Variants in MINDY4 observed in about 807,000 individuals in gnomAD.
MINDY4 encodes MINDY lysine 48 deubiquitinase 4.
A neutral mutation model predicts 87.0 loss-of-function variants in MINDY4; 68 were observed. The ratio of observed to expected loss-of-function variants is 0.78; its 90% confidence interval spans 0.64 to 0.96. The LOEUF is 0.96. Ranked by LOEUF, MINDY4 falls within the 40% of genes least tolerant of loss-of-function variation. MINDY4 has a pLI of 0.00. For synonymous variants in MINDY4, 379 were observed against 363.2 expected (o/e 1.04, Z -0.50); for missense variants, 919 against 928.2 (o/e 0.99, Z 0.13).
chr7:30,887,642 C>A (rs565416958), intron 17 of MINDY4, among the ~76,000 whole-genome samples: 1 of 152,214 alleles, frequency 6.6e-6, no homozygotes, highest in African/African-American at 2.4e-5. Flanking sequence ...CCTAAGCAGG[C>A]GTCCAGGAGG....
intron 9 of MINDY4, among the ~76,000 whole-genome samples, chr7:30,844,451 ACT>A (rs1202976702): frequency 1.5e-5 from 2 of 129,650 alleles, no homozygotes; most frequent in Non-Finnish European, 3.3e-5. Flanking sequence ...GTCTCCTCCC[ACT>A]CTCCTGCACT....
chr7:30,784,378 C>T (rs1463917279), intron 3 of MINDY4, among the ~76,000 whole-genome samples: 1 of 152,166 alleles, frequency 6.6e-6, no homozygotes, highest in Non-Finnish European at 1.5e-5. Context: ...TTCTTTCCTC[C>T]TTTCTCTGCC....
chr7:30,819,970 C>T (rs370262463), intron 5 of MINDY4, among the ~76,000 whole-genome samples: 2 of 132,972 alleles, frequency 1.5e-5, no homozygotes, highest in East Asian at 2.2e-4. Context: ...GGCGGGATCT[C>T]GGCTCACTGC....
chr7:30,835,901 C>G (rs1049607739), intron 6 of MINDY4, among the ~76,000 whole-genome samples: 3 of 152,176 alleles, frequency 2.0e-5, no homozygotes, highest in Non-Finnish European at 4.4e-5. Context: ...CAGCTGGGAC[C>G]CTCTCTAGGC....
chr7:30,875,403 C>A, intron 14 of MINDY4, 92 bp from the exon 15 acceptor site: 1 of 1,400,470 alleles, frequency 7.1e-7, no homozygotes, highest in Non-Finnish European at 1.0e-6. Context: ...TTCCTTCCTT[C>A]TCCACCCTTT....
At chr7:30,813,387 C>T (rs79714917) in intron 5 of MINDY4, among the ~76,000 whole-genome samples, 6,860 of 152,242 alleles carry the variant, frequency 0.045, 244 homozygotes, top group East Asian at 0.17. Flanking sequence ...CTTGTGCTCC[C>T]GTGCTGTGGG....
chr7:30,867,520 T>C (rs1789975902), intron 13 of MINDY4, among the ~76,000 whole-genome samples: 1 of 152,152 alleles, frequency 6.6e-6, no homozygotes, highest in African/African-American at 2.4e-5. Flanking sequence ...ATGGGGAGAC[T>C]GAGGCTCAGA....
At chr7:30,874,089 T>G (rs1790190275) in intron 14 of MINDY4, among the ~76,000 whole-genome samples, 1 of 152,244 alleles carries the variant, frequency 6.6e-6, no homozygotes, top group African/African-American at 2.4e-5. Context: ...CTCCAGAGTT[T>G]ACACTGGTCA....
intron 6 of MINDY4, among the ~76,000 whole-genome samples, chr7:30,830,929 G>A (rs1336366062): frequency 1.3e-5 from 2 of 152,188 alleles, no homozygotes; most frequent in African/African-American, 4.8e-5. Context: ...TGTGAGATGA[G>A]GCTGAAATGA....
At chr7:30,848,798 T>G (rs1789306841) in intron 9 of MINDY4, among the ~76,000 whole-genome samples, 1 of 152,234 alleles carries the variant, frequency 6.6e-6, no homozygotes, top group South Asian at 2.1e-4. Context: ...CTTGTCTCAT[T>G]GGATTTGAAG....
intron 17 of MINDY4, among the ~76,000 whole-genome samples, chr7:30,885,103 A>G (rs542065562): frequency 1.4e-4 from 22 of 152,356 alleles, no homozygotes; most frequent in Admixed American, 1.4e-3. Context: ...GCAGTCATGC[A>G]TGGAAAATAA....
chr7:30,860,977 A>C (rs1789743445), intron 13 of MINDY4, among the ~76,000 whole-genome samples: 1 of 152,146 alleles, frequency 6.6e-6, no homozygotes, highest in Non-Finnish European at 1.5e-5. Flanking sequence ...ACAGATATAC[A>C]GATGCACATA....
At chr7:30,812,036 A>T (rs1341531217) in intron 5 of MINDY4, among the ~76,000 whole-genome samples, 1 of 152,160 alleles carries the variant, frequency 6.6e-6, no homozygotes, top group African/African-American at 2.4e-5. Context: ...CTTCTTTTTA[A>T]AGAAAATAAC....
Position 30,791,199 on chromosome 7 carries a change from C to G in MINDY4, c.698C>G (p.Ser233Ter). ...SFHRHYLRRS[S>*]PSSSSTQPQE... is the part of the protein sequence containing the mutation. The stretch of plus-strand genomic sequence containing the variant: ...CACAGACACTATCTGAGACGGTCCT[C>G]ACCGTCAAGCAGCTCCACCCAACCC... Residue 233 changes from serine to a stop codon, truncating the protein, a stop_gained, in exon 5 of 18, where the codon TCA (serine) becomes TGA (stop). Transcript: ENST00000265299. LOFTEE classifies it high-confidence loss of function. 6.2e-7 allele frequency: 1 copy of G among 1,613,872 alleles called. No individual in the cohort carries two copies. Among genetic ancestry groups the G allele is most frequent in the Non-Finnish European group, 8.5e-7 (1 of 1,179,860 alleles).
At chr7:30,830,623 A>G (rs1258230045) in intron 6 of MINDY4, among the ~76,000 whole-genome samples, 1 of 152,192 alleles carries the variant, frequency 6.6e-6, no homozygotes, top group African/African-American at 2.4e-5. Context: ...CAGTATTACA[A>G]GAATAGCATG....
At chr7:30,855,622 G>C (rs1046324049) in intron 12 of MINDY4, among the ~76,000 whole-genome samples, 2 of 152,224 alleles carry the variant, frequency 1.3e-5, no homozygotes, top group African/African-American at 4.8e-5. Context: ...TGGCCCCTCA[G>C]CACCAGGACC....
At position 30,882,358 on chromosome 7, in the gene MINDY4, A is replaced by G; in HGVS notation, c.2149A>G (p.Ile717Val). 4 of 1,582,456 alleles carry G rather than the reference A, an allele frequency of 2.5e-6. No homozygotes were observed. The highest frequency in any genetic ancestry group is 2.6e-6 in the Non-Finnish European group (3 of 1,160,206). The change falls in exon 16 of 18, where the codon ATT (isoleucine) becomes GTT (valine). Residue 717 changes from isoleucine to valine, a missense_variant. Physicochemically the swap from Ile to Val is conservative, Grantham distance 29. Coordinates refer to ENST00000265299, the MANE Select transcript of MINDY4 (RefSeq NM_032222.3). ...CCAGCAGGAGCAGATCCGGCTGACC[A>G]TTGGTGCGGGCCCTCACCCCCCCAC... ...ANQQEQIRLT[I>V]DTTQTISEDT...
chr7:30,807,900 G>A (rs568337695), intron 5 of MINDY4, among the ~76,000 whole-genome samples: 2 of 152,330 alleles, frequency 1.3e-5, no homozygotes, highest in East Asian at 3.9e-4. Context: ...TCGGTTGTTG[G>A]AGATGTGAGT....
chr7:30,808,895 G>T (rs2128557533), intron 5 of MINDY4, among the ~76,000 whole-genome samples: 1 of 151,690 alleles, frequency 6.6e-6, no homozygotes, highest in Middle Eastern at 3.4e-3. Flanking sequence ...AACAGAGAGA[G>T]AAAGAGGAAG....
Sources: allele counts gnomAD v4.1 joint callset (sites outside exome capture counted in the v4.1 genomes callset), GRCh38; gene constraint gnomAD v4.1.1; transcripts MANE v1.5; gene names NCBI Gene and HGNC (gene_info 2026-07-23, HGNC 2026-07-21).